ARMH4: variants seen among roughly 807,000 people sequenced by gnomAD.
ARMH4 encodes the protein armadillo like helical domain containing 4.
ARMH4 carries 49 observed loss-of-function variants against 61.9 expected under a neutral mutation model. The ratio of observed to expected loss-of-function variants is 0.79; its 90% CI spans 0.63 to 1.00. ARMH4 has a LOEUF of 1.00. ARMH4 is among the 50% of genes least tolerant of loss of function. ARMH4 has a pLI of 0.00. For missense variants in ARMH4, 934 were observed against 930.0 expected (o/e 1.00, Z -0.06); for synonymous variants, 368 against 341.5 (o/e 1.08, Z -0.85).
chr14:58,088,913 C>T (rs1432363116), intron 5 of ARMH4, among the ~76,000 whole-genome samples: 1 of 152,166 alleles, frequency 6.6e-6, no homozygotes, highest in East Asian at 1.9e-4. Context: ...TTCTCCATCT[C>T]CCTACATAAA....
In ARMH4 at chr14:58,074,659, A is replaced by G. The variant is rs549447523; in HGVS notation, c.2089+22065T>C. ...GGGAAAAGATACACAGTAGCACACC[A>G]TGATGCGGTTTTCCACCATACCATG... On this transcript the variant is annotated intron_variant, in intron 5 of 7. Transcript: ENST00000267485. 5.3e-5 allele frequency among the ~76,000 whole-genome samples: 8 copies of G among 152,266 alleles called. No individual in the cohort carries two copies. The South Asian group carries it at 1.4e-3, about 28-fold the overall frequency.
At chr14:58,075,929 T>C (rs1885030750) in intron 5 of ARMH4, among the ~76,000 whole-genome samples, 1 of 152,060 alleles carries the variant, frequency 6.6e-6, no homozygotes, top group South Asian at 2.1e-4. Flanking sequence ...GAGGATTAAA[T>C]AAGGTCTTAT....
At chr14:58,016,422 CA>C (rs1882618334) in intron 5 of ARMH4, among the ~76,000 whole-genome samples, 1 of 152,064 alleles carries the variant, frequency 6.6e-6, no homozygotes, top group African/African-American at 2.4e-5. Context: ...AAAATTTGAA[CA>C]ATGCACATCA....
chr14:58,072,586 G>C (rs1471819528), intron 5 of ARMH4, among the ~76,000 whole-genome samples: 1 of 152,010 alleles, frequency 6.6e-6, no homozygotes, highest in African/African-American at 2.4e-5. Flanking sequence ...GCCGGGTGTG[G>C]TGGTGTGCAC....
At chr14:58,092,589 C>G (rs1372528807) in intron 5 of ARMH4, among the ~76,000 whole-genome samples, 3 of 152,164 alleles carry the variant, frequency 2.0e-5, no homozygotes, top group Admixed American at 6.5e-5. Flanking sequence ...GGGTTGCATT[C>G]CTTCCAGAGG....
intron 5 of ARMH4, among the ~76,000 whole-genome samples, chr14:58,066,049 T>C (rs1478020432): frequency 6.6e-6 from 1 of 152,248 alleles, no homozygotes; most frequent in Non-Finnish European, 1.5e-5. Context: ...GTGGGGGACC[T>C]AGCTAAACTA....
At chr14:58,112,801 T>C (rs1048241049) in intron 4 of ARMH4, among the ~76,000 whole-genome samples, 2 of 152,176 alleles carry the variant, frequency 1.3e-5, no homozygotes, top group South Asian at 2.1e-4. Flanking sequence ...TTCTCCTGTC[T>C]TCTGGTTTCC....
At chr14:58,109,418 G>A (rs111790931) in intron 4 of ARMH4, among the ~76,000 whole-genome samples, 1,955 of 152,152 alleles carry the variant, frequency 0.013, 37 homozygotes, top group African/African-American at 0.043. Context: ...TGCAATTTTC[G>A]TCACATGTCA....
chr14:58,006,222 A>G (rs1176177718), intron 6 of ARMH4, among the ~76,000 whole-genome samples: 5 of 152,178 alleles, frequency 3.3e-5, no homozygotes, highest in Non-Finnish European at 7.3e-5. Flanking sequence ...ATGGGGGAAC[A>G]CAGGTAATGG....
At chr14:58,098,396 G>A (rs987951876) in intron 4 of ARMH4, among the ~76,000 whole-genome samples, 10 of 152,132 alleles carry the variant, frequency 6.6e-5, no homozygotes, top group Admixed American at 5.2e-4. Context: ...CTCTGCCTTC[G>A]TGGAGCCCAT....
intron 1 of ARMH4, among the ~76,000 whole-genome samples, chr14:58,147,653 G>A (rs907266554): frequency 6.6e-6 from 1 of 152,140 alleles, no homozygotes; most frequent in Admixed American, 6.5e-5. Flanking sequence ...ATCAATCAAA[G>A]ACAGCTACCA....
rs190427077 is a variant in ARMH4, at chr14:58,147,276, A to G, written c.-57+4799T>C. ...TGCCTCTTCATTGATAACCTTGTCT[A>G]GGCTCTCTCCTCTCCAATCTATTTT... On this transcript the variant is annotated intron_variant, in intron 1 of 7. Coordinates refer to ENST00000267485, the MANE Select transcript of ARMH4 (RefSeq NM_001001872.4). Among the ~76,000 whole-genome samples the G allele has an allele frequency of 8.7e-5, 13 of 149,220 alleles. No individual in the cohort carries two copies. The East Asian group carries it at 9.8e-4, about 11-fold the overall frequency.
intron 4 of ARMH4, among the ~76,000 whole-genome samples, chr14:58,107,102 T>C (rs1344013504): frequency 6.6e-6 from 1 of 152,186 alleles, no homozygotes. Flanking sequence ...CCACCAAAGG[T>C]GCTCAGTTTC....
intron 5 of ARMH4, among the ~76,000 whole-genome samples, chr14:58,074,877 C>T (rs750348075): frequency 1.3e-5 from 2 of 152,130 alleles, no homozygotes; most frequent in African/African-American, 2.4e-5. Flanking sequence ...TAACCATTAG[C>T]TCTTGCAATT....
intron 4 of ARMH4, among the ~76,000 whole-genome samples, chr14:58,118,808 T>A (rs548870461): frequency 6.6e-6 from 1 of 152,274 alleles, no homozygotes; most frequent in African/African-American, 2.4e-5. Context: ...CTTTTAAAAA[T>A]TTCTACTAAT....
chr14:58,132,581 C>CTTTTTTTTTTTTTTTT (rs71448942), intron 3 of ARMH4, among the ~76,000 whole-genome samples: 3 of 86,070 alleles, frequency 3.5e-5, no homozygotes, highest in Non-Finnish European at 6.9e-5. Flanking sequence ...ACCCTTGTCC[C>CTTTTTTTTTTTTTTTT]TTTTTTTTTT....
rs370838478 is a variant in ARMH4, at chr14:58,151,817, T to G, written c.-57+258A>C. Among the ~76,000 whole-genome samples the G allele has an allele frequency of 8.5e-3, 1,297 of 152,318 alleles. 23 individuals are homozygous for G. The highest frequency in any genetic ancestry group is 0.03 in the African/African-American group (1,228 of 41,572). On this transcript the variant is annotated intron_variant, in intron 1 of 7. Coordinates refer to ENST00000267485, the MANE Select transcript of ARMH4 (RefSeq NM_001001872.4). ...CGGAGCTGGGAGGCTGGGCTGGAGC[T>G]AGGAGTGCGGTGAGTCCTCCGAGGC...
At chr14:58,054,484 G>T (rs2141205051) in intron 5 of ARMH4, among the ~76,000 whole-genome samples, 1 of 152,280 alleles carries the variant, frequency 6.6e-6, no homozygotes, top group Middle Eastern at 3.4e-3. Flanking sequence ...TCTTCCAAAA[G>T]CAATTATGTG....
intron 5 of ARMH4, among the ~76,000 whole-genome samples, chr14:58,022,521 T>C (rs954041154): frequency 1.3e-5 from 2 of 152,200 alleles, no homozygotes; most frequent in African/African-American, 4.8e-5. Flanking sequence ...CTACACAGCT[T>C]CCCAGAGAAT....
Sources: gnomAD v4.1 joint callset for allele counts (sites outside exome capture counted in the v4.1 genomes callset) on GRCh38, gnomAD v4.1.1 for gene constraint, MANE v1.5 for transcripts, NCBI Gene and HGNC (gene_info 2026-07-23, HGNC 2026-07-21) for gene names.